The following CDH4 variants were observed in gnomAD, a reference collection of about 807,000 sequenced individuals.
CDH4 encodes cadherin 4, also known as cadherin-4.
CDH4 carries 33 observed loss-of-function variants against 86.0 expected under a neutral mutation model. That is an observed-to-expected ratio of 0.38 (90% CI 0.29 to 0.51). The LOEUF (loss-of-function observed/expected upper bound fraction) is 0.51. Ranked by LOEUF, CDH4 falls within the 20% of genes least tolerant of loss-of-function variation. CDH4 has a pLI of 0.86. For missense variants in CDH4, 1,114 were observed against 1,307.4 expected (o/e 0.85, Z 2.28); for synonymous variants, 555 against 549.4 (o/e 1.01, Z -0.14).
At chr20:61,292,778 CTGTTTTTGTTTT>C (rs559593362) in intron 2 of CDH4, among the ~76,000 whole-genome samples, 2 of 152,230 alleles carry the variant, frequency 1.3e-5, no homozygotes, top group African/African-American at 2.4e-5. Context: ...TTGGGCAATG[CTGTTTTTGTTTT>C]TGTTTTTGTT....
chr20:61,925,537 C>T lies in CDH4; in HGVS notation c.1771+1061C>T, dbSNP rs185269021. 1.5e-4 allele frequency among the ~76,000 whole-genome samples: 23 copies of T among 152,332 alleles called. No homozygotes were observed. The East Asian group carries it at 4.2e-3, about 28-fold the overall frequency. ...GTTTGCTGCGGCCGTGATGACTGCCCGGGCTGCTGTTTGCCGAGTACCGGC... is the reference window on the plus strand; with the variant it reads ...GTTTGCTGCGGCCGTGATGACTGCCTGGGCTGCTGTTTGCCGAGTACCGGC... On this transcript the variant is annotated intron_variant, in intron 11 of 15. Transcript: ENST00000614565.
intron 2 of CDH4, among the ~76,000 whole-genome samples, chr20:61,682,472 G>A (rs903297375): frequency 3.3e-5 from 5 of 151,094 alleles, no homozygotes; most frequent in Admixed American, 6.6e-5. Flanking sequence ...GGGATGGATG[G>A]ATGGACAGAT....
chr20:61,746,484 G>A (rs1056626411), intron 3 of CDH4, among the ~76,000 whole-genome samples: 7 of 152,310 alleles, frequency 4.6e-5, no homozygotes, highest in Non-Finnish European at 1.0e-4. Flanking sequence ...TGAGGGTGCT[G>A]AGCATGTGAC....
At chr20:61,837,993 C>A (rs1981956882) in intron 4 of CDH4, among the ~76,000 whole-genome samples, 1 of 152,068 alleles carries the variant, frequency 6.6e-6, no homozygotes, top group African/African-American at 2.4e-5. Context: ...GCTCCCCAAG[C>A]CCTCACCTCC....
chr20:61,588,337 T>C (rs1163313410), intron 2 of CDH4, among the ~76,000 whole-genome samples: 1 of 151,922 alleles, frequency 6.6e-6, no homozygotes, highest in Non-Finnish European at 1.5e-5. Flanking sequence ...GTCAAGTGAT[T>C]TGCAACGCTG....
At chr20:61,809,936 G>A (rs954233116) in intron 4 of CDH4, among the ~76,000 whole-genome samples, 1 of 152,236 alleles carries the variant, frequency 6.6e-6, no homozygotes, top group Non-Finnish European at 1.5e-5. Context: ...ACAGGAGGCT[G>A]TTGCAGGCAG....
chr20:61,725,216 C>T (rs528348428), intron 2 of CDH4, among the ~76,000 whole-genome samples: 1 of 152,362 alleles, frequency 6.6e-6, no homozygotes, highest in African/African-American at 2.4e-5. Flanking sequence ...ACCCATTCCT[C>T]CTGCTTCAGG....
intron 9 of CDH4, among the ~76,000 whole-genome samples, chr20:61,916,941 T>C (rs1405513930): frequency 6.6e-6 from 1 of 152,224 alleles, no homozygotes; most frequent in Non-Finnish European, 1.5e-5. Context: ...CAGTTGTGTC[T>C]ATGCTCTGGG....
chr20:61,572,826 T>TGGATGGAC (rs2086351495), intron 2 of CDH4, among the ~76,000 whole-genome samples: 2 of 135,234 alleles, frequency 1.5e-5, no homozygotes, highest in Non-Finnish European at 3.1e-5. Flanking sequence ...CAGAACACTA[T>TGGATGGAC]GGATGGATGG....
intron 2 of CDH4, among the ~76,000 whole-genome samples, chr20:61,531,984 G>A (rs955302196): frequency 6.6e-6 from 1 of 152,254 alleles, no homozygotes; most frequent in African/African-American, 2.4e-5. Flanking sequence ...TTCAGCCTGT[G>A]GTGGAGGATC....
chr20:61,598,354 A>G (rs1172444567), intron 2 of CDH4, among the ~76,000 whole-genome samples: 1 of 46,860 alleles, frequency 2.1e-5, no homozygotes, highest in South Asian at 7.4e-4. Flanking sequence ...CCCCCCGGCC[A>G]CTGTCACCTC....
At chr20:61,686,115 T>C (rs553035210) in intron 2 of CDH4, among the ~76,000 whole-genome samples, 2 of 152,378 alleles carry the variant, frequency 1.3e-5, no homozygotes, top group African/African-American at 4.8e-5. Context: ...GATGATTTTA[T>C]AGACTTTTCT....
At chr20:61,671,740 GATGA>G (rs1456315425) in intron 2 of CDH4, among the ~76,000 whole-genome samples, 3 of 150,764 alleles carry the variant, frequency 2.0e-5, no homozygotes, top group East Asian at 2.0e-4. Context: ...GTGGATGGAT[GATGA>G]ATGAATGATG....
chr20:61,359,214 C>T (rs2084770266), intron 2 of CDH4, among the ~76,000 whole-genome samples: 1 of 152,194 alleles, frequency 6.6e-6, no homozygotes, highest in Non-Finnish European at 1.5e-5. Flanking sequence ...GAAAGCCCCT[C>T]TTAAACCTGG....
At chr20:61,735,380 G>A (rs2088249680) in intron 2 of CDH4, among the ~76,000 whole-genome samples, 1 of 152,210 alleles carries the variant, frequency 6.6e-6, no homozygotes, top group Non-Finnish European at 1.5e-5. Flanking sequence ...TCACCCCAAG[G>A]GAAACCTGGT....
intron 2 of CDH4, among the ~76,000 whole-genome samples, chr20:61,594,265 A>G (rs1385418131): frequency 1.7e-3 from 74 of 42,566 alleles, no homozygotes; most frequent in African/African-American, 6.7e-3. Flanking sequence ...GTGGGGGGGA[A>G]GAGGGAAGGG....
rs923400162 is a variant in CDH4 at position 61,269,955 on chromosome 20, G to A, written c.169+15018G>A. Among the ~76,000 whole-genome samples the A allele has an allele frequency of 3.3e-5, 5 of 152,340 alleles. No individual in the cohort carries two copies. Among genetic ancestry groups the A allele is most frequent in the Admixed American group, 6.5e-5 (1 of 15,302 alleles). ...CCAGAATCTGGCCCCCAGATGTGGA[G>A]AGGGCCGGCCGACCTTTGCGGCAGT... is the stretch of plus-strand genomic sequence containing the variant. On this transcript the variant is annotated intron_variant, in intron 2 of 15. Transcript: ENST00000614565. The surrounding 1 kb of genome is among the most constrained non-coding windows in gnomAD (Gnocchi z 5.3).
chr20:61,803,943 G>T (rs773317714), intron 4 of CDH4, among the ~76,000 whole-genome samples: 1 of 152,362 alleles, frequency 6.6e-6, no homozygotes, highest in East Asian at 1.9e-4. Flanking sequence ...GTGCCGAGAC[G>T]GCGGAGGTAA....
intron 2 of CDH4, among the ~76,000 whole-genome samples, chr20:61,636,079 G>C (rs1248728704): frequency 6.6e-6 from 1 of 152,242 alleles, no homozygotes; most frequent in Non-Finnish European, 1.5e-5. Context: ...CCACACGCGT[G>C]GGGGTCCACC....
Sources: gnomAD v4.1 joint callset for allele counts (sites outside exome capture counted in the v4.1 genomes callset) on GRCh38, gnomAD v4.1.1 for gene constraint, Gnocchi (gnomAD v3.1) non-coding constraint, MANE v1.5 for transcripts, NCBI Gene and HGNC (gene_info 2026-07-23, HGNC 2026-07-21) for gene names.